LPP: variants seen among roughly 807,000 people sequenced by gnomAD.
The protein encoded by LPP is LIM domain containing preferred translocation partner in lipoma.
A neutral mutation model predicts 60.4 loss-of-function variants in LPP; 38 were observed. The observed-to-expected ratio is 0.63, with a 90% confidence interval of 0.49 to 0.83. The LOEUF is 0.83. LPP is among the 40% of genes least tolerant of loss of function. The pLI is 0.00. For missense variants in LPP, 902 were observed against 783.6 expected (o/e 1.15, Z -1.80); for synonymous variants, 328 against 290.8 (o/e 1.13, Z -1.30).
At chr3:188,501,306 C>G (rs1811774265) in intron 5 of LPP, among the ~76,000 whole-genome samples, 2 of 152,070 alleles carry the variant, frequency 1.3e-5, no homozygotes, top group Admixed American at 1.3e-4. Context: ...CTCCTTTGAT[C>G]CATTGTTTGT....
intron 1 of LPP, among the ~76,000 whole-genome samples, chr3:188,156,130 T>A (rs1308632895): frequency 6.6e-6 from 1 of 152,170 alleles, no homozygotes; most frequent in East Asian, 1.9e-4. Flanking sequence ...GAATGTAGGC[T>A]CCAGAGGGGA....
intron 1 of LPP, among the ~76,000 whole-genome samples, chr3:188,188,162 G>C (rs1021636503): frequency 5.3e-5 from 8 of 152,284 alleles, no homozygotes; most frequent in African/African-American, 1.9e-4. Context: ...GAAAGCCTGT[G>C]TCATCATCTT....
chr3:188,359,200 C>A (rs1768499746), intron 3 of LPP, among the ~76,000 whole-genome samples: 1 of 152,152 alleles, frequency 6.6e-6, no homozygotes, highest in African/African-American at 2.4e-5. Flanking sequence ...CTCAGGACAG[C>A]CAACAGTCCC....
At chr3:188,605,813 T>C (rs557380234) in intron 6 of LPP, among the ~76,000 whole-genome samples, 1 of 152,158 alleles carries the variant, frequency 6.6e-6, no homozygotes, top group Non-Finnish European at 1.5e-5. Flanking sequence ...GTAAACTAGG[T>C]TGATCCAGAG....
intron 2 of LPP, chr3:188,240,217 A>T (rs558183206): frequency 1.7e-5 from 3 of 178,078 alleles, no homozygotes; most frequent in East Asian, 9.4e-5. Flanking sequence ...TCATAAACTA[A>T]TTTAAAAATC....
chr3:188,635,391 G>A (rs988387765), intron 7 of LPP, among the ~76,000 whole-genome samples: 1 of 152,134 alleles, frequency 6.6e-6, no homozygotes, highest in African/African-American at 2.4e-5. Context: ...TAAATCTCAC[G>A]AGACAGCTTG....
At chr3:188,757,890 T>TTTTTTG (rs1491129193) in intron 8 of LPP, among the ~76,000 whole-genome samples, 6 of 48,600 alleles carry the variant, frequency 1.2e-4, no homozygotes, top group African/African-American at 4.6e-4. Context: ...GTTTTTTTGG[T>TTTTTTG]TTTTTTTTTT....
intron 2 of LPP, among the ~76,000 whole-genome samples, chr3:188,245,853 T>C (rs529605360): frequency 6.6e-6 from 1 of 152,274 alleles, no homozygotes; most frequent in South Asian, 2.1e-4. Flanking sequence ...AGCCCTGCTT[T>C]CACAAAAAAC....
At chr3:188,450,793 A>G (rs1041689556) in intron 4 of LPP, among the ~76,000 whole-genome samples, 2 of 151,954 alleles carry the variant, frequency 1.3e-5, no homozygotes, top group Non-Finnish European at 1.5e-5. Context: ...TAGGAGGTTT[A>G]CTACTTGTAA....
At chr3:188,374,504 CTGTT>C (rs1184866658) in intron 3 of LPP, among the ~76,000 whole-genome samples, 3 of 152,076 alleles carry the variant, frequency 2.0e-5, no homozygotes, top group Non-Finnish European at 4.4e-5. Flanking sequence ...ATTTGGCTCT[CTGTT>C]TGTCTGTTAT....
chr3:188,289,758 A>G (rs1331656744), intron 2 of LPP, among the ~76,000 whole-genome samples: 2 of 152,200 alleles, frequency 1.3e-5, no homozygotes, highest in East Asian at 3.8e-4. Context: ...GTTTAGAGAG[A>G]AAATGGAACT....
intron 2 of LPP, among the ~76,000 whole-genome samples, chr3:188,237,687 C>A (rs954205910): frequency 3.3e-5 from 5 of 151,292 alleles, no homozygotes; most frequent in African/African-American, 1.2e-4. Context: ...CTTTTCTGAG[C>A]AGTAGGTAAC....
intron 3 of LPP, among the ~76,000 whole-genome samples, chr3:188,403,391 C>T (rs560190188): frequency 1.3e-5 from 2 of 152,256 alleles, no homozygotes; most frequent in African/African-American, 4.8e-5. Context: ...ATTTTTCAAC[C>T]TTTTATTATA....
chr3:188,546,227 A>G (rs1333374450), intron 6 of LPP, among the ~76,000 whole-genome samples: 3 of 152,244 alleles, frequency 2.0e-5, no homozygotes, highest in South Asian at 4.2e-4. Flanking sequence ...AAACCAGGCA[A>G]TCTAGTTCTG....
chr3:188,288,510 A>C (rs1222704395), intron 2 of LPP, among the ~76,000 whole-genome samples: 1 of 122,388 alleles, frequency 8.2e-6, no homozygotes, highest in South Asian at 2.7e-4. Flanking sequence ...GTCCTGTCTC[A>C]GCATTGCTCC....
rs147954049 is a variant in LPP, at chr3:188,788,024, T to A, written c.1410+27742T>A. On this transcript the variant is annotated intron_variant, in intron 9 of 11. Transcript: ENST00000617246. ...CCTCTCTGTGTTCCTTTTCCATGAA[T>A]GGCATTACCTTGTTGCTCCAACCAA... Among the ~76,000 whole-genome samples, 14 of 152,356 alleles carry A rather than the reference T, an allele frequency of 9.2e-5. No homozygotes were observed. In the East Asian group the frequency reaches 2.7e-3, roughly 29 times the overall value.
intron 7 of LPP, among the ~76,000 whole-genome samples, chr3:188,631,344 AT>A (rs1363988113): frequency 6.6e-6 from 1 of 152,116 alleles, no homozygotes; most frequent in Non-Finnish European, 1.5e-5. Context: ...AGATAATCAA[AT>A]TTGGGGACAC....
At chr3:188,268,883 A>G (rs1359813670) in intron 2 of LPP, among the ~76,000 whole-genome samples, 1 of 151,894 alleles carries the variant, frequency 6.6e-6, no homozygotes, top group Non-Finnish European at 1.5e-5. Context: ...GGCCTATTTC[A>G]TCTTCTCAAC....
rs148690080 is a variant in LPP at position 188,170,449 on chromosome 3, G to T, written c.-190+16197G>T. On this transcript the variant is annotated intron_variant, in intron 1 of 11. Transcript: ENST00000617246. ...AGGCTCAAGCAATTCCACTGCCTCA[G>T]CCTCCTGAGTAGCTGGGATTACAGG... is the stretch of plus-strand genomic sequence containing the variant. Among the ~76,000 whole-genome samples the T allele has an allele frequency of 3.8e-3, 582 of 151,234 alleles. 3 individuals are homozygous for T. Among genetic ancestry groups the T allele is most frequent in the African/African-American group, 0.013 (553 of 41,174 alleles).
Sources: allele counts gnomAD v4.1 joint callset (sites outside exome capture counted in the v4.1 genomes callset), GRCh38; gene constraint gnomAD v4.1.1; transcripts MANE v1.5; gene names NCBI Gene and HGNC (gene_info 2026-07-23, HGNC 2026-07-21).